Variants in PIAS1 observed in about 807,000 individuals in gnomAD.
The protein encoded by PIAS1 is E3 SUMO-protein ligase PIAS1.
Under a neutral mutation model 71.3 loss-of-function variants are expected in PIAS1, and 6 were observed. The observed-to-expected ratio is 0.08, with a 90% confidence interval of 0.05 to 0.17. The LOEUF is 0.17. Ranked by LOEUF, PIAS1 falls within the 10% of genes least tolerant of loss-of-function variation. The pLI, the probability that PIAS1 is intolerant of heterozygous loss-of-function variation, is 1.00. For synonymous variants in PIAS1, 303 were observed against 292.9 expected (o/e 1.03, Z -0.35); for missense variants, 555 against 793.6 (o/e 0.70, Z 3.61).
At chr15:68,117,387 C>G (rs891580895) in intron 2 of PIAS1, among the ~76,000 whole-genome samples, 1 of 152,110 alleles carries the variant, frequency 6.6e-6, no homozygotes, top group Non-Finnish European at 1.5e-5. Flanking sequence ...TGCCTGGCCC[C>G]TTCTTGCTAT....
In PIAS1 at chr15:68,083,823, G is replaced by C. The variant is rs141449656; in HGVS notation, c.25-2483G>C. On this transcript the variant is annotated intron_variant, in intron 1 of 13. Transcript: ENST00000249636. ...GCCGAGGCAGGATCACTTGAGCCTA[G>C]GTGTTTGAGAACAGTCTGGGCAACA... Among the ~76,000 whole-genome samples the C allele has an allele frequency of 6.6e-5, 10 of 150,414 alleles. No homozygotes were observed. The East Asian group carries it at 1.6e-3, about 23-fold the overall frequency.
chr15:68,176,343 T>C, intron 10 of PIAS1, 131 bp from the exon 11 acceptor site: 1 of 474,782 alleles, frequency 2.1e-6, no homozygotes, highest in Non-Finnish European at 3.7e-6. Context: ...ACAGAGCCAC[T>C]GTTGGTTTTC....
chr15:68,076,111 C>T (rs564065999), intron 1 of PIAS1, among the ~76,000 whole-genome samples: 19 of 152,218 alleles, frequency 1.2e-4, no homozygotes, highest in Admixed American at 4.6e-4. Flanking sequence ...CATTTGTGTA[C>T]GTCTTTTTAA....
chr15:68,156,723 AAAAAAG>A (rs1232966503), intron 7 of PIAS1, among the ~76,000 whole-genome samples: 60 of 150,644 alleles, frequency 4.0e-4, no homozygotes, highest in Admixed American at 1.3e-3. Context: ...AAAAAAAAAA[AAAAAAG>A]AGAGAGAGAG....
chr15:68,069,203 AT>A (rs1291363993), intron 1 of PIAS1, among the ~76,000 whole-genome samples: 1 of 152,006 alleles, frequency 6.6e-6, no homozygotes, highest in African/African-American at 2.4e-5. Context: ...CTTGTCCATT[AT>A]TTTTTTGGAT....
At chr15:68,115,263 G>C (rs189080040) in intron 2 of PIAS1, among the ~76,000 whole-genome samples, 5 of 151,974 alleles carry the variant, frequency 3.3e-5, no homozygotes, top group African/African-American at 1.2e-4. Flanking sequence ...TGTGATTGTG[G>C]GACTATATGG....
chr15:68,164,948 T>C (rs1405100030), intron 8 of PIAS1, 144 bp downstream of exon 8: 7 of 558,930 alleles, frequency 1.3e-5, no homozygotes, highest in Non-Finnish European at 2.2e-5. Flanking sequence ...GAAAGACATC[T>C]AGGCATTGCA....
intron 2 of PIAS1, among the ~76,000 whole-genome samples, chr15:68,132,997 G>GA (rs2092698071): frequency 6.9e-6 from 1 of 145,326 alleles, no homozygotes; most frequent in South Asian, 2.2e-4. Flanking sequence ...TTTTTTTTCC[G>GA]AAAAAAGCCA....
At chr15:68,122,110 CAG>C (rs1267057542) in intron 2 of PIAS1, among the ~76,000 whole-genome samples, 1 of 152,154 alleles carries the variant, frequency 6.6e-6, no homozygotes, top group Non-Finnish European at 1.5e-5. Flanking sequence ...GCCTGGGTAA[CAG>C]AGCAAGACCC....
At chr15:68,148,510 C>A (rs1421723350) in intron 6 of PIAS1, among the ~76,000 whole-genome samples, 2 of 152,108 alleles carry the variant, frequency 1.3e-5, no homozygotes, top group African/African-American at 4.8e-5. Flanking sequence ...CTCATTGTAA[C>A]CTCCATCCCC....
chr15:68,099,719 C>CTGTA, intron 2 of PIAS1, among the ~76,000 whole-genome samples: 2 of 151,786 alleles, frequency 1.3e-5, no homozygotes, highest in Middle Eastern at 3.4e-3. Flanking sequence ...TCCTGAGTGG[C>CTGTA]TGTACCACTT....
chr15:68,189,476 A>G lies in PIAS1; in HGVS notation c.*1641A>G, dbSNP rs1763988591. 1 of 152,200 alleles carries G rather than the reference A, an allele frequency of 6.6e-6. No individual in the cohort carries two copies. The highest frequency in any genetic ancestry group is 2.1e-4 in the South Asian group (1 of 4,834). 9.4% of individuals were successfully genotyped at this position (152,200 alleles called of 1,614,324 possible). The stretch of plus-strand genomic sequence containing the variant: ...CATTGGTAACAAAATGATCAACTTT[A>G]ATCCAGGTAGAATTCAAGATGGCTG... On this transcript the variant is annotated 3_prime_UTR_variant, in exon 14 of 14. Transcript: ENST00000249636.
chr15:68,132,235 T>C (rs1175579873), intron 2 of PIAS1, among the ~76,000 whole-genome samples: 1 of 151,896 alleles, frequency 6.6e-6, no homozygotes, highest in African/African-American at 2.4e-5. Flanking sequence ...TCCCAGCACT[T>C]TGGGAGGCTG....
At chr15:68,115,379 GTTA>G (rs2092557203) in intron 2 of PIAS1, among the ~76,000 whole-genome samples, 2 of 152,022 alleles carry the variant, frequency 1.3e-5, no homozygotes, top group South Asian at 2.1e-4. Context: ...ATTGTTTGCT[GTTA>G]TTATATGGAA....
rs2093035602 is a variant in PIAS1, at chr15:68,178,829, G to T, written c.1481+2175G>T. On this transcript the variant is annotated intron_variant, in intron 11 of 13. Coordinates refer to ENST00000249636, the MANE Select transcript of PIAS1 (RefSeq NM_016166.3). The surrounding 1 kb of genome is among the most constrained non-coding windows in gnomAD (Gnocchi z 4.2). ...TTAAAGAAAACATTTGAGTGTTTAG[G>T]AATCTAATATTTCTTCTTTGGATAT... is the stretch of plus-strand genomic sequence containing the variant. Among the ~76,000 whole-genome samples the T allele has an allele frequency of 6.6e-6, 1 of 151,934 alleles. No homozygotes were observed. Among genetic ancestry groups the T allele is most frequent in the Admixed American group, 6.6e-5 (1 of 15,244 alleles).
chr15:68,125,791 C>T (rs367569460), intron 2 of PIAS1, among the ~76,000 whole-genome samples: 1 of 152,042 alleles, frequency 6.6e-6, no homozygotes, highest in African/African-American at 2.4e-5. Flanking sequence ...GCCTCAAACT[C>T]CTGAGCTTAA....
intron 11 of PIAS1, 21 bp from the exon 12 acceptor site, chr15:68,181,191 G>A: frequency 1.2e-6 from 2 of 1,609,438 alleles, no homozygotes; most frequent in Non-Finnish European, 1.7e-6. Flanking sequence ...TGAAAACTAT[G>A]CCAATCTTTC....
rs1355954377 is a variant in PIAS1, at chr15:68,134,865, C to T, written c.470-7081C>T. ...GGGGCTGACCCCCCCACCGCCCTCC[C>T]GGACGGGGCGGCTGGCCGGGCAGAG... On this transcript the variant is annotated intron_variant, in intron 2 of 13. Coordinates refer to ENST00000249636, the MANE Select transcript of PIAS1 (RefSeq NM_016166.3). 1.2e-4 allele frequency among the ~76,000 whole-genome samples: 6 copies of T among 51,024 alleles called. 1 individual carries two copies. The highest frequency in any genetic ancestry group is 9.5e-4 in the South Asian group (2 of 2,110). 33.5% of individuals were successfully genotyped at this position (51,024 alleles called of 152,430 possible).
chr15:68,159,691 ATGATGGACATTTATCCATCTGATAAAT>A (rs1348040848), intron 7 of PIAS1, among the ~76,000 whole-genome samples: 1 of 152,200 alleles, frequency 6.6e-6, no homozygotes, highest in Non-Finnish European at 1.5e-5. Flanking sequence ...CATTTGATAA[ATGATGGACATTTATCCATCTGATAAAT>A]TGATGGACAT....
Sources: allele counts gnomAD v4.1 joint callset (sites outside exome capture counted in the v4.1 genomes callset), GRCh38; gene constraint gnomAD v4.1.1; non-coding constraint Gnocchi (gnomAD v3.1); transcripts MANE v1.5; gene names NCBI Gene and HGNC (gene_info 2026-07-23, HGNC 2026-07-21).